The following SEMA6D variants were observed in gnomAD, a reference collection of about 807,000 sequenced individuals.
SEMA6D encodes semaphorin 6D, also known as semaphorin-6D.
SEMA6D carries 35 observed loss-of-function variants against 106.6 expected under a neutral mutation model. The ratio of observed to expected loss-of-function variants is 0.33; its 90% CI spans 0.25 to 0.44. The LOEUF (loss-of-function observed/expected upper bound fraction) is 0.44. Among genes scored for constraint, SEMA6D ranks in the 20% least tolerant of loss-of-function variants. The probability of loss-of-function intolerance (pLI) is 1.00; values close to 1 mark genes in which losing one functional copy is unlikely to be tolerated. For synonymous variants in SEMA6D, 499 were observed against 487.7 expected (o/e 1.02, Z -0.31); for missense variants, 1,185 against 1,345.9 (o/e 0.88, Z 1.87).
intron 3 of SEMA6D, among the ~76,000 whole-genome samples, chr15:47,573,456 T>C (rs1295396600): frequency 6.6e-6 from 1 of 152,252 alleles, no homozygotes; most frequent in Non-Finnish European, 1.5e-5. Flanking sequence ...ACTGATCTTA[T>C]ATTCACTCTA....
At chr15:47,330,329 G>A (rs999363802) in intron 1 of SEMA6D, among the ~76,000 whole-genome samples, 3 of 152,244 alleles carry the variant, frequency 2.0e-5, no homozygotes, top group Middle Eastern at 3.4e-3. Flanking sequence ...CCTTGGGTAA[G>A]GCATTCACAG....
At chr15:47,665,922 G>A (rs2078017612) in intron 4 of SEMA6D, among the ~76,000 whole-genome samples, 1 of 152,222 alleles carries the variant, frequency 6.6e-6, no homozygotes, top group Admixed American at 6.5e-5. Flanking sequence ...AACCTCAGGA[G>A]GCTGCATTTG....
intron 3 of SEMA6D, among the ~76,000 whole-genome samples, chr15:47,563,263 G>A (rs1596323995): frequency 1.3e-5 from 2 of 152,266 alleles, no homozygotes; most frequent in East Asian, 3.9e-4. Context: ...TGTAATGACT[G>A]TTGTACAACT....
chr15:47,297,496 C>T (rs76411695), intron 1 of SEMA6D, among the ~76,000 whole-genome samples: 3,083 of 152,218 alleles, frequency 0.02, 96 homozygotes, highest in African/African-American at 0.07. Context: ...AATTATCAAA[C>T]GACATGATGT....
At chr15:47,428,405 C>T (rs1351952230) in intron 2 of SEMA6D, among the ~76,000 whole-genome samples, 1 of 152,050 alleles carries the variant, frequency 6.6e-6, no homozygotes, top group Non-Finnish European at 1.5e-5. Flanking sequence ...ACTGCAGTTC[C>T]AAGAACAAAA....
At chr15:47,593,111 A>G (rs969704567) in intron 3 of SEMA6D, among the ~76,000 whole-genome samples, 1 of 152,144 alleles carries the variant, frequency 6.6e-6, no homozygotes, top group Non-Finnish European at 1.5e-5. Context: ...ATGATTAGTC[A>G]AAAAAAGATC....
intron 1 of SEMA6D, among the ~76,000 whole-genome samples, chr15:47,259,608 T>A (rs2142057972): frequency 6.6e-6 from 1 of 152,308 alleles, no homozygotes; most frequent in African/African-American, 2.4e-5. Flanking sequence ...TCAAAATTTG[T>A]TCTTTGTCTT....
intron 1 of SEMA6D, among the ~76,000 whole-genome samples, chr15:47,315,796 C>CT (rs1176748850): frequency 6.6e-6 from 1 of 151,836 alleles, no homozygotes; most frequent in Non-Finnish European, 1.5e-5. Context: ...TCTTATAGAT[C>CT]TTGTATATAT....
chr15:47,217,566 GGTGT>G (rs146342466), intron 1 of SEMA6D, among the ~76,000 whole-genome samples: 259 of 145,912 alleles, frequency 1.8e-3, no homozygotes, highest in African/African-American at 4.5e-3. Context: ...CGCGTGCACG[GGTGT>G]GTGTGTGTGT....
intron 1 of SEMA6D, among the ~76,000 whole-genome samples, chr15:47,211,377 G>A (rs1450881378): frequency 6.6e-6 from 1 of 151,930 alleles, no homozygotes; most frequent in African/African-American, 2.4e-5. Context: ...TAATCAATGG[G>A]GACAGTTTAT....
intron 1 of SEMA6D, among the ~76,000 whole-genome samples, chr15:47,389,934 C>T (rs762243801): frequency 2.0e-5 from 3 of 152,148 alleles, no homozygotes; most frequent in Non-Finnish European, 4.4e-5. Context: ...CCAGAGTGAG[C>T]TTCAATAAAC....
chr15:47,659,428 C>T (rs1029569128), intron 4 of SEMA6D, among the ~76,000 whole-genome samples: 11 of 151,438 alleles, frequency 7.3e-5, no homozygotes, highest in Non-Finnish European at 1.3e-4. Flanking sequence ...AATAAAATAC[C>T]TATGTCTGTG....
At chr15:47,495,801 A>G (rs999188650) in intron 3 of SEMA6D, among the ~76,000 whole-genome samples, 2 of 152,110 alleles carry the variant, frequency 1.3e-5, no homozygotes, top group African/African-American at 4.8e-5. Context: ...TAAAATTTGA[A>G]TTCTAAATTT....
chr15:47,365,888 GAGGAGAGAGAGAGA>G (rs1567029385), intron 1 of SEMA6D, among the ~76,000 whole-genome samples: 1 of 70,124 alleles, frequency 1.4e-5, no homozygotes, highest in African/African-American at 4.7e-5. Flanking sequence ...GAGAGAGAGA[GAGGAGAGAGAGAGA>G]GAGAGAGAGA....
At chr15:47,390,231 A>G (rs281291) in intron 1 of SEMA6D, among the ~76,000 whole-genome samples, 76,320 of 152,018 alleles carry the variant, frequency 0.5, 22,711 homozygotes, top group African/African-American at 0.84. Flanking sequence ...CTACCAGTGG[A>G]CAATCTAGTA....
chr15:47,526,676 G>C (rs970216200), intron 3 of SEMA6D, among the ~76,000 whole-genome samples: 1 of 152,120 alleles, frequency 6.6e-6, no homozygotes, highest in African/African-American at 2.4e-5. Flanking sequence ...GCTTGCTTTG[G>C]TTTTAGCTTT....
At chr15:47,528,892 A>T (rs1419960864) in intron 3 of SEMA6D, among the ~76,000 whole-genome samples, 1 of 152,238 alleles carries the variant, frequency 6.6e-6, no homozygotes, top group Non-Finnish European at 1.5e-5. Context: ...AGTGAATAAT[A>T]GCCTACTATT....
intron 4 of SEMA6D, among the ~76,000 whole-genome samples, chr15:47,694,319 C>A (rs1178849773): frequency 6.6e-6 from 1 of 152,038 alleles, no homozygotes; most frequent in South Asian, 2.1e-4. Context: ...CACACATACA[C>A]AAAGTATATG....
chr15:47,188,616 C>T (rs953906504), intron 1 of SEMA6D, among the ~76,000 whole-genome samples: 24 of 152,138 alleles, frequency 1.6e-4, no homozygotes, highest in Admixed American at 1.6e-3. Flanking sequence ...TATAAGACTC[C>T]TTGGAATGAA....
Sources: gnomAD v4.1 joint callset for allele counts (sites outside exome capture counted in the v4.1 genomes callset) on GRCh38, gnomAD v4.1.1 for gene constraint, MANE v1.5 for transcripts, NCBI Gene and HGNC (gene_info 2026-07-23, HGNC 2026-07-21) for gene names.